The following ANKRD17 variants were observed in gnomAD, a reference collection of about 807,000 sequenced individuals.
ANKRD17 encodes ankyrin repeat domain 17.
In ANKRD17, 19 loss-of-function variants were observed where a neutral mutation model predicts 229.7. That is an observed-to-expected ratio of 0.08 (90% CI 0.06 to 0.12). The LOEUF (loss-of-function observed/expected upper bound fraction) is 0.12. Ranked by LOEUF, ANKRD17 falls within the 10% of genes least tolerant of loss-of-function variation. The probability of loss-of-function intolerance (pLI) is 1.00; values close to 1 mark genes in which losing one functional copy is unlikely to be tolerated. For synonymous variants in ANKRD17, 1,112 were observed against 1,146.1 expected (o/e 0.97, Z 0.60); for missense variants, 2,176 against 3,176.8 (o/e 0.68, Z 7.57).
intron 24 of ANKRD17, among the ~76,000 whole-genome samples, chr4:73,104,236 A>G (rs1724346617): frequency 6.6e-6 from 1 of 152,230 alleles, no homozygotes; most frequent in Non-Finnish European, 1.5e-5. Context: ...AGTATTAGGA[A>G]CAAAACAGTA....
At chr4:73,156,667 C>A (rs562005239) in intron 3 of ANKRD17, among the ~76,000 whole-genome samples, 1 of 152,066 alleles carries the variant, frequency 6.6e-6, no homozygotes, top group East Asian at 1.9e-4. Context: ...GTAAGACATG[C>A]TTGCTTCCCC....
At chr4:73,156,650 C>A (rs948752489) in intron 3 of ANKRD17, among the ~76,000 whole-genome samples, 1 of 151,922 alleles carries the variant, frequency 6.6e-6, no homozygotes, top group Non-Finnish European at 1.5e-5. Context: ...TCTCCTACTG[C>A]GCCATGGTAA....
In ANKRD17 at chr4:73,142,242, C is replaced by A; in HGVS notation, c.2229G>T (p.Arg743Ser). ...QLTPPSHDLNRAPRVPVQALP... is the reference protein window; with the variant it reads ...QLTPPSHDLNSAPRVPVQALP... ...AATGCTTTAATTTTTAAAATCTTAC[C>A]CTATTTAAATCGTGGGATGGGGGAG... The change falls in exon 13 of 34, where the codon AGG becomes AGT. Residue 743 changes from arginine to serine, a missense_variant and splice_region_variant. Arg to Ser is a moderately radical substitution (Grantham distance 110). Around this residue, in one of 18 missense-constraint regions of ANKRD17, gnomAD observed 275 missense variants for 386.9 expected, o/e 0.71. Transcript: ENST00000358602. 2.0e-6 allele frequency: 3 copies of A among 1,537,468 alleles called. No individual in the cohort carries two copies. The highest frequency in any genetic ancestry group is 2.6e-5 in the South Asian group (2 of 78,194).
At chr4:73,085,595 T>A (rs2110122960) in intron 29 of ANKRD17, 149 bp from the exon 30 acceptor site, 2 of 716,194 alleles carry the variant, frequency 2.8e-6, no homozygotes, top group East Asian at 2.8e-5. Context: ...ACATCTGTAA[T>A]CCCAGCACTT....
rs1406507335 is a variant in ANKRD17 at position 73,153,941 on chromosome 4, A to T, written c.1173T>A (p.Ala391=). The T allele has an allele frequency of 6.2e-7, 1 of 1,612,576 alleles. No homozygotes were observed. The highest frequency in any genetic ancestry group is 2.2e-5 in the East Asian group (1 of 44,828). The change falls in exon 6 of 34, where the codon GCT becomes GCA. Residue 391 remains alanine (A), a synonymous_variant. Transcript: ENST00000358602. ...EVARLLLENG[A]GINTHSNEFK... ...ATTCATTAGAATGCGTATTAATGCC[A>T]GCCCCATTTTCTAGCAGCAATCTGG...
At chr4:73,194,445 G>A (rs1030567667) in intron 1 of ANKRD17, among the ~76,000 whole-genome samples, 1 of 152,252 alleles carries the variant, frequency 6.6e-6, no homozygotes, top group East Asian at 1.9e-4. Context: ...GTGCCACACT[G>A]TTTTGATTAG....
At chr4:73,184,024 AT>A (rs1007880171) in intron 1 of ANKRD17, among the ~76,000 whole-genome samples, 1 of 152,188 alleles carries the variant, frequency 6.6e-6, no homozygotes, top group Non-Finnish European at 1.5e-5. Flanking sequence ...AGCTGAATGA[AT>A]TTGTTTGTCA....
At chr4:73,136,586 G>C (rs180911650) in intron 15 of ANKRD17, among the ~76,000 whole-genome samples, 133 of 152,144 alleles carry the variant, frequency 8.7e-4, no homozygotes, top group African/African-American at 3.1e-3. Flanking sequence ...TGAATCCTTA[G>C]GGATCCAGAC....
At chr4:73,103,809 T>G (rs1724281438) in intron 24 of ANKRD17, among the ~76,000 whole-genome samples, 1 of 149,756 alleles carries the variant, frequency 6.7e-6, no homozygotes, top group Non-Finnish European at 1.5e-5. Flanking sequence ...TGTCCTGCCT[T>G]TCAAATTAAC....
At chr4:73,155,065 A>G (rs1338047748) in intron 5 of ANKRD17, among the ~76,000 whole-genome samples, 1 of 152,020 alleles carries the variant, frequency 6.6e-6, no homozygotes, top group Non-Finnish European at 1.5e-5. Flanking sequence ...AAAATTTAAT[A>G]AATTTGAAAA....
At chr4:73,223,843 A>G (rs1323996609) in intron 1 of ANKRD17, among the ~76,000 whole-genome samples, 1 of 152,206 alleles carries the variant, frequency 6.6e-6, no homozygotes, top group Non-Finnish European at 1.5e-5. Flanking sequence ...AGTGAGTGAC[A>G]GTGGAGCCAA....
intron 1 of ANKRD17, among the ~76,000 whole-genome samples, chr4:73,251,058 G>A: frequency 6.6e-6 from 1 of 152,086 alleles, no homozygotes; most frequent in East Asian, 1.9e-4. Context: ...ATCACTTGAA[G>A]CCAGGAGTTC....
chr4:73,202,501 T>C (rs527542356), intron 1 of ANKRD17, among the ~76,000 whole-genome samples: 2 of 152,116 alleles, frequency 1.3e-5, no homozygotes, highest in Admixed American at 6.6e-5. Context: ...CTCCAAAAGA[T>C]TGGTGGAGAA....
At chr4:73,148,666 A>AT in intron 8 of ANKRD17, 147 bp downstream of exon 8, 1 of 735,704 alleles carries the variant, frequency 1.4e-6, no homozygotes, top group Non-Finnish European at 2.2e-6. Flanking sequence ...TATGGGAGCC[A>AT]TTTTCACAGT....
At chr4:73,076,848 C>G (rs1204127095) in intron 33 of ANKRD17, 92 bp downstream of exon 33, 1 of 1,421,582 alleles carries the variant, frequency 7.0e-7, no homozygotes, top group African/African-American at 1.4e-5. Context: ...ATTCACCAAA[C>G]TCTCTTGCTA....
chr4:73,118,852 T>TA lies in ANKRD17; in HGVS notation c.4026-3dup. 1 of 1,079,640 alleles carries TA rather than the reference T, an allele frequency of 9.3e-7. No homozygotes were observed. Among genetic ancestry groups the TA allele is most frequent in the Non-Finnish European group, 1.4e-6 (1 of 733,176 alleles). 66.9% of individuals were successfully genotyped at this position (1,079,640 alleles called of 1,614,324 possible). On this transcript the variant is annotated splice_polypyrimidine_tract_variant and splice_region_variant and intron_variant, in intron 21 of 33. Coordinates refer to ENST00000358602, the MANE Select transcript of ANKRD17 (RefSeq NM_032217.5). ...TTACGTACATCAATATGAGCTCCCC[T>TA]AAAAACCAATGACACAGATAGCATT...
intron 3 of ANKRD17, among the ~76,000 whole-genome samples, chr4:73,159,190 G>T (rs1034956143): frequency 7.2e-5 from 11 of 152,090 alleles, no homozygotes; most frequent in African/African-American, 2.7e-4. Context: ...CCATTTCACA[G>T]GACACTGACA....
chr4:73,209,975 G>A (rs141685151), intron 1 of ANKRD17, among the ~76,000 whole-genome samples: 1 of 152,040 alleles, frequency 6.6e-6, no homozygotes, highest in Admixed American at 6.6e-5. Flanking sequence ...AAAAACTACA[G>A]GTAACAGAAT....
chr4:73,256,053 C>T (rs927244400), intron 1 of ANKRD17, among the ~76,000 whole-genome samples: 2 of 152,100 alleles, frequency 1.3e-5, no homozygotes, highest in African/African-American at 4.8e-5. Flanking sequence ...ACACGTATTT[C>T]TCCTGACTCA....
Sources: allele counts gnomAD v4.1 joint callset (sites outside exome capture counted in the v4.1 genomes callset), GRCh38; gene constraint gnomAD v4.1.1; regional missense constraint gnomAD v4.1.1; transcripts MANE v1.5; gene names NCBI Gene and HGNC (gene_info 2026-07-23, HGNC 2026-07-21).